The following UTP15 variants were observed in gnomAD, a reference collection of about 807,000 sequenced individuals.
UTP15 encodes the protein U3 small nucleolar RNA-associated protein 15 homolog.
Under a neutral mutation model 59.1 loss-of-function variants are expected in UTP15, and 5 were observed. The observed-to-expected ratio is 0.08, with a 90% CI of 0.04 to 0.18. The LOEUF is 0.18. Among genes scored for constraint, UTP15 ranks in the 10% least tolerant of loss-of-function variants. UTP15 has a pLI of 1.00. For missense variants in UTP15, 494 were observed against 616.7 expected (o/e 0.80, Z 2.11); for synonymous variants, 211 against 212.2 (o/e 0.99, Z 0.05).
At position 73,565,897 on chromosome 5, in the gene UTP15, T is replaced by C; in HGVS notation, c.-99T>C. ...GGGTCGAGGTGTCTCGTCGGACCCT[T>C]TGGGGCTCAGTGGAGGTAGGTGAAG... On this transcript the variant is annotated 5_prime_UTR_variant, in exon 1 of 13. Coordinates refer to ENST00000296792, the MANE Select transcript of UTP15 (RefSeq NM_032175.4). 1 of 456,266 alleles carries C rather than the reference T, an allele frequency of 2.2e-6. No homozygotes were observed. Among genetic ancestry groups the C allele is most frequent in the South Asian group, 1.5e-5 (1 of 64,568 alleles). The allele number at this position is 456,266 out of a possible 1,614,324, so 28.3% of individuals were successfully genotyped here.
rs1352979788 is a variant in UTP15, at chr5:73,566,089, C to T, written c.-84+177C>T. 1.8e-5 allele frequency: 6 copies of T among 329,414 alleles called. No homozygotes were observed. The East Asian group carries it at 2.4e-4, about 13-fold the overall frequency. 20.4% of individuals were successfully genotyped at this position (329,414 alleles called of 1,614,324 possible). ...CTAGGTTCTTCTCTGCGATTACACC[C>T]TTTCCTGTCCACCGTTGTTAGTTCC... On this transcript the variant is annotated intron_variant, in intron 1 of 12. Transcript: ENST00000296792.
chr5:73,568,822 A>G (rs1255663094), intron 4 of UTP15, among the ~76,000 whole-genome samples: 1 of 152,152 alleles, frequency 6.6e-6, no homozygotes, highest in Non-Finnish European at 1.5e-5. Context: ...TATTTTAGGA[A>G]ATACACGTTT....
intron 1 of UTP15, among the ~76,000 whole-genome samples, chr5:73,566,532 C>G (rs1747772708): frequency 6.6e-6 from 1 of 152,146 alleles, no homozygotes; most frequent in South Asian, 2.1e-4. Flanking sequence ...ACCTATTTAT[C>G]GTGGTGTTAC....
rs538126995 is a variant in UTP15 at position 73,567,628 on chromosome 5, T to G, written c.90+194T>G. The G allele has an allele frequency of 7.3e-6, 3 of 411,672 alleles. No homozygotes were observed. In the South Asian group the frequency reaches 1.7e-4, roughly 23 times the overall value. 25.5% of individuals were successfully genotyped at this position (411,672 alleles called of 1,614,324 possible). ...TAAAAGTCCATACTGCTTAATCAGATTAACCATACAAATGCCTAGCACAGA... is the reference window on the plus strand; with the variant it reads ...TAAAAGTCCATACTGCTTAATCAGAGTAACCATACAAATGCCTAGCACAGA... On this transcript the variant is annotated intron_variant, in intron 2 of 12. Coordinates refer to ENST00000296792, the MANE Select transcript of UTP15 (RefSeq NM_032175.4).
intron 1 of UTP15, among the ~76,000 whole-genome samples, 182 bp from the exon 2 acceptor site, chr5:73,567,080 G>T (rs1260208266): frequency 2.0e-5 from 3 of 152,186 alleles, no homozygotes; most frequent in Non-Finnish European, 4.4e-5. Flanking sequence ...TAGATGGTGC[G>T]ATATGATAGC....
Position 73,568,182 on chromosome 5 carries a change from A to G in UTP15, c.91-53A>G, listed in dbSNP as rs6898164. On this transcript the variant is annotated intron_variant, in intron 2 of 12. Transcript: ENST00000296792. ...GTCTGTAAGAAATTATGTAATGCAT[A>G]AATAGGTCTTACCAGTGGTAACTCT... The G allele has an allele frequency of 7.1e-3, 9,422 of 1,330,302 alleles. 572 individuals are homozygous for G. In the African/African-American group the frequency reaches 0.12, roughly 17 times the overall value. The allele number at this position is 1,330,302 out of a possible 1,614,324, so 82.4% of individuals were successfully genotyped here.
At chr5:73,569,203 GC>G (rs1267272641) in intron 4 of UTP15, among the ~76,000 whole-genome samples, 1 of 152,062 alleles carries the variant, frequency 6.6e-6, no homozygotes, top group East Asian at 1.9e-4. Flanking sequence ...AAATTAAAGT[GC>G]CTTTGCTTCC....
chr5:73,582,328 A>G lies in UTP15; in HGVS notation c.*2234A>G, dbSNP rs1173522331. On this transcript the variant is annotated 3_prime_UTR_variant, in exon 13 of 13. Coordinates refer to ENST00000296792, the MANE Select transcript of UTP15 (RefSeq NM_032175.4). ...AGTTAACACATTTTTCAAACAGGTT[A>G]GGAAGCAATTCCCATAGCCATCAAT... is the stretch of plus-strand genomic sequence containing the variant. 6.6e-6 allele frequency: 1 copy of G among 152,226 alleles called. No homozygotes were observed. Among genetic ancestry groups the G allele is most frequent in the African/African-American group, 2.4e-5 (1 of 41,472 alleles). The allele number at this position is 152,226 out of a possible 1,614,324, so 9.4% of individuals were successfully genotyped here.
chr5:73,566,715 A>C (rs1294900902), intron 1 of UTP15, among the ~76,000 whole-genome samples: 2 of 152,198 alleles, frequency 1.3e-5, no homozygotes, highest in African/African-American at 4.8e-5. Context: ...GTTGAATTTA[A>C]TTTCAGGACT....
Position 73,569,528 on chromosome 5 carries a change from A to G in UTP15, c.400A>G (p.Lys134Glu). 6.2e-7 allele frequency: 1 copy of G among 1,611,502 alleles called. No homozygotes were observed. Among genetic ancestry groups the G allele is most frequent in the Non-Finnish European group, 8.5e-7 (1 of 1,178,894 alleles). ...AVHTVDFTAD[K>E]YHVVSGADDY... ...TCATACAGTAGATTTTACAGCTGAC[A>G]AATATCACGTGGTCTCTGGGGCTGA... The change falls in exon 5 of 13, where the codon AAA becomes GAA. Residue 134 changes from lysine to glutamate, a missense_variant. Coordinates refer to ENST00000296792, the MANE Select transcript of UTP15 (RefSeq NM_032175.4).
chr5:73,577,837 T>C lies in UTP15; in HGVS notation c.895-19T>C, dbSNP rs772311146. 2.5e-5 allele frequency: 40 copies of C among 1,569,372 alleles called. No individual in the cohort carries two copies. Among genetic ancestry groups the C allele is most frequent in the African/African-American group, 4.2e-5 (3 of 71,654 alleles). ...TACGAGTTAAGAATAGACTAACTTA[T>C]TTTTCTAATTGTTATTAGCATGAAG... On this transcript the variant is annotated intron_variant, in intron 8 of 12. Coordinates refer to ENST00000296792, the MANE Select transcript of UTP15 (RefSeq NM_032175.4).
At chr5:73,578,130 A>G (rs1203786685) in intron 9 of UTP15, 125 bp downstream of exon 9, 1 of 984,186 alleles carries the variant, frequency 1.0e-6, no homozygotes, top group African/African-American at 1.7e-5. Context: ...CTACATCAGA[A>G]TTATTTCTAG....
intron 7 of UTP15, among the ~76,000 whole-genome samples, chr5:73,575,946 C>T (rs959801976): frequency 1.3e-5 from 2 of 151,958 alleles, no homozygotes; most frequent in Non-Finnish European, 2.9e-5. Flanking sequence ...CTCTTTAACT[C>T]CCGACCTCAG....
At chr5:73,574,353 C>G (rs1023949790) in intron 7 of UTP15, among the ~76,000 whole-genome samples, 1 of 151,962 alleles carries the variant, frequency 6.6e-6, no homozygotes. Context: ...ATAAAAATTA[C>G]TGTCTCAGTT....
At position 73,568,222 on chromosome 5, in the gene UTP15, A is replaced by AT; in HGVS notation, c.91-7dup. The AT allele has an allele frequency of 6.3e-7, 1 of 1,590,634 alleles. No individual in the cohort carries two copies. Among genetic ancestry groups the AT allele is most frequent in the South Asian group, 1.1e-5 (1 of 87,192 alleles). ...GTGGTAACTCTGTTAACACACTATT[A>AT]TTTTTTATTAAGACCCCTGTTCAGA... On this transcript the variant is annotated splice_polypyrimidine_tract_variant and intron_variant, in intron 2 of 12. Coordinates refer to ENST00000296792, the MANE Select transcript of UTP15 (RefSeq NM_032175.4).
At chr5:73,572,194 T>C (rs903572614) in intron 6 of UTP15, among the ~76,000 whole-genome samples, 2 of 152,260 alleles carry the variant, frequency 1.3e-5, no homozygotes, top group African/African-American at 4.8e-5. Flanking sequence ...TTTTAAAAAA[T>C]GATTTTATTA....
Position 73,578,764 on chromosome 5 carries a change from T to G in UTP15, c.1058T>G (p.Ile353Ser), listed in dbSNP as rs1468682880. ...NYMKQRDDILINRPAKKHLEL... is the reference protein window; with the variant it reads ...NYMKQRDDILSNRPAKKHLEL... ...TTTTCATTGCAGGATGACATTTTGA[T>G]TAACAGGCCAGCAAAGAAGCACCTA... The change falls in exon 10 of 13, where the codon ATT (isoleucine) becomes AGT (serine). Residue 353 changes from isoleucine (I) to serine (S), a missense_variant. Transcript: ENST00000296792. 1 of 1,613,802 alleles carries G rather than the reference T, an allele frequency of 6.2e-7. No homozygotes were observed.
At chr5:73,577,371 GA>G (rs893559283) in intron 8 of UTP15, among the ~76,000 whole-genome samples, 1 of 152,114 alleles carries the variant, frequency 6.6e-6, no homozygotes, top group Admixed American at 6.6e-5. Context: ...TCTCTGAGCA[GA>G]AAAAAAGATG....
intron 7 of UTP15, 102 bp from the exon 8 acceptor site, chr5:73,576,850 T>C (rs1306816172): frequency 5.1e-6 from 4 of 778,678 alleles, no homozygotes; most frequent in Non-Finnish European, 2.1e-6. Context: ...TCTTCACTGT[T>C]GTACAGATTT....
Sources: gnomAD v4.1 joint callset for allele counts (sites outside exome capture counted in the v4.1 genomes callset) on GRCh38, gnomAD v4.1.1 for gene constraint, MANE v1.5 for transcripts, NCBI Gene and HGNC (gene_info 2026-07-23, HGNC 2026-07-21) for gene names.